Variants in GRAMD2B observed in about 807,000 individuals in gnomAD.
The protein encoded by GRAMD2B is GRAM domain-containing protein 2B.
GRAMD2B carries 41 observed loss-of-function variants against 59.2 expected under a neutral mutation model. The observed-to-expected ratio is 0.69, with a 90% CI of 0.54 to 0.90. The LOEUF is 0.90. Among genes scored for constraint, GRAMD2B ranks in the 40% least tolerant of loss-of-function variants. The pLI is 0.00. For missense variants in GRAMD2B, 424 were observed against 500.5 expected, an observed-to-expected ratio of 0.85 and a Z score of 1.46; for synonymous variants, 161 against 182.7, an observed-to-expected ratio of 0.88 and a Z score of 0.96.
At chr5:126,468,457 G>C (rs946035334) in intron 2 of GRAMD2B, among the ~76,000 whole-genome samples, 1 of 151,844 alleles carries the variant, frequency 6.6e-6, no homozygotes, top group Non-Finnish European at 1.5e-5. Flanking sequence ...TTATTCTACT[G>C]TTTTCCTCTT....
chr5:126,370,268 C>T (rs1754679141), upstream of GRAMD2B, among the ~76,000 whole-genome samples: 1 of 152,230 alleles, frequency 6.6e-6, no homozygotes, highest in South Asian at 2.1e-4. Flanking sequence ...GCATGTAGAG[C>T]AGCACAGACC....
upstream of GRAMD2B, among the ~76,000 whole-genome samples, chr5:126,422,418 C>G (rs879291723): frequency 1.8e-4 from 28 of 152,178 alleles, 1 homozygote; most frequent in Admixed American, 1.8e-3. Flanking sequence ...ATGCTAGTCT[C>G]GAACTCCTGA....
At chr5:126,377,033 T>C (rs965036259) in intron 1 of GRAMD2B, among the ~76,000 whole-genome samples, 4 of 151,234 alleles carry the variant, frequency 2.6e-5, no homozygotes, top group Admixed American at 2.0e-4. Context: ...GCCAGCAGTG[T>C]CATTGCAAGG....
intron 4 of GRAMD2B, 102 bp from the exon 5 acceptor site, chr5:126,473,163 A>C (rs1336512256): frequency 4.7e-6 from 2 of 429,936 alleles, no homozygotes; most frequent in Admixed American, 8.4e-5. Context: ...TTTGAGTGTG[A>C]ATGTATTATC....
chr5:126,386,985 T>C (rs1033772208), intron 1 of GRAMD2B, among the ~76,000 whole-genome samples: 3 of 152,204 alleles, frequency 2.0e-5, no homozygotes, highest in Non-Finnish European at 4.4e-5. Context: ...TATTCTTTTA[T>C]AACCTAGTGA....
At chr5:126,477,618 T>C in intron 5 of GRAMD2B, 74 bp from the exon 6 acceptor site, 1 of 867,490 alleles carries the variant, frequency 1.2e-6, no homozygotes, top group Non-Finnish European at 2.0e-6. Context: ...TTTTTCTTTT[T>C]TCCTTAAATG....
intron 1 of GRAMD2B, among the ~76,000 whole-genome samples, chr5:126,432,403 A>G (rs1761720024): frequency 6.6e-6 from 1 of 152,212 alleles, no homozygotes; most frequent in South Asian, 2.1e-4. Flanking sequence ...TGTCCTTTAT[A>G]ATAATTAAGA....
At chr5:126,474,851 G>A (rs567143385) in intron 5 of GRAMD2B, among the ~76,000 whole-genome samples, 5 of 152,318 alleles carry the variant, frequency 3.3e-5, no homozygotes, top group East Asian at 1.9e-4. Flanking sequence ...CTTTTACAAC[G>A]TGTAACCTAC....
At chr5:126,360,622 A>C (rs776643765) in intron 1 of GRAMD2B, among the ~76,000 whole-genome samples, 1 of 152,170 alleles carries the variant, frequency 6.6e-6, no homozygotes, top group African/African-American at 2.4e-5. Context: ...CAGGGTCTTG[A>C]GTAAAAGCAA....
chr5:126,441,621 G>A (rs1487470319), intron 1 of GRAMD2B, among the ~76,000 whole-genome samples: 1 of 152,162 alleles, frequency 6.6e-6, no homozygotes, highest in Non-Finnish European at 1.5e-5. Flanking sequence ...CCATACAAGG[G>A]AGAACTATAA....
chr5:126,432,621 A>G (rs563709066), intron 1 of GRAMD2B, among the ~76,000 whole-genome samples: 1 of 152,238 alleles, frequency 6.6e-6, no homozygotes, highest in African/African-American at 2.4e-5. Context: ...ATCCTTAAAT[A>G]TTATGCAGGT....
intron 1 of GRAMD2B, among the ~76,000 whole-genome samples, chr5:126,415,201 G>T (rs748643780): frequency 8.5e-5 from 13 of 152,142 alleles, no homozygotes; most frequent in Non-Finnish European, 1.5e-4. Context: ...AGTGGTTTGT[G>T]TGTGACCCAA....
chr5:126,360,914 C>G (rs994209058), intron 1 of GRAMD2B, among the ~76,000 whole-genome samples: 9 of 152,200 alleles, frequency 5.9e-5, no homozygotes, highest in Non-Finnish European at 8.8e-5. Context: ...CATGTCAACT[C>G]TCTACATTTT....
Position 126,423,583 on chromosome 5 carries a change from A to T in GRAMD2B, c.-24A>T. ...CAGAGCCAGGCGCGCGGAAGTCTGA[A>T]GGTGCCCTCCAGACACGGCCCCGAT... On this transcript the variant is annotated 5_prime_UTR_variant, in exon 1 of 14. In the 5' UTR this introduces an upstream ATG that the reference lacks. Coordinates refer to ENST00000285689, the MANE Select transcript of GRAMD2B (RefSeq NM_023927.4). 1 of 1,607,180 alleles carries T rather than the reference A, an allele frequency of 6.2e-7. No individual in the cohort carries two copies. Among genetic ancestry groups the T allele is most frequent in the Non-Finnish European group, 8.5e-7 (1 of 1,177,390 alleles).
intron 6 of GRAMD2B, among the ~76,000 whole-genome samples, chr5:126,478,232 G>A (rs931402367): frequency 8.6e-5 from 13 of 151,422 alleles, no homozygotes; most frequent in African/African-American, 3.2e-4. Flanking sequence ...GAGCCCAGGA[G>A]TTGGGAACCA....
chr5:126,430,955 T>G (rs1761466291), intron 1 of GRAMD2B, among the ~76,000 whole-genome samples: 1 of 152,198 alleles, frequency 6.6e-6, no homozygotes, highest in Non-Finnish European at 1.5e-5. Context: ...GTGACAGAAT[T>G]GGAACATAAT....
chr5:126,360,391 A>C (rs568018245), exon 1 of GRAMD2B: 136 of 1,551,336 alleles, frequency 8.8e-5, no homozygotes, highest in Non-Finnish European at 1.0e-4. Context: ...CATTCCAAGC[A>C]CAGCTTATGC....
At chr5:126,413,534 C>T (rs1223038060) in intron 1 of GRAMD2B, among the ~76,000 whole-genome samples, 1 of 151,768 alleles carries the variant, frequency 6.6e-6, no homozygotes, top group Non-Finnish European at 1.5e-5. Context: ...TGTGATCAAT[C>T]CTGAAGTATG....
In GRAMD2B at chr5:126,465,502, G is replaced by A; in HGVS notation, c.160G>A (p.Val54Met). ...AACAGCCCAATCCCCTACCCCATCT[G>A]TGGAGGCGGACTCCCCAGACCAGAA... Reference protein sequence around the residue: ...SPTAQSPTPSVEADSPDQKKI... With the variant: ...SPTAQSPTPSMEADSPDQKKI... Residue 54 changes from valine to methionine, a missense_variant, in exon 2 of 14, where the codon GTG (valine) becomes ATG (methionine). By Grantham distance (21) the Val-to-Met change is conservative (BLOSUM62 1). Coordinates refer to ENST00000285689, the MANE Select transcript of GRAMD2B (RefSeq NM_023927.4). The A allele has an allele frequency of 1.2e-6, 2 of 1,614,180 alleles. No individual in the cohort carries two copies. Among genetic ancestry groups the A allele is most frequent in the African/African-American group, 2.7e-5 (2 of 75,032 alleles).
Sources: gnomAD v4.1 joint callset for allele counts (sites outside exome capture counted in the v4.1 genomes callset) on GRCh38, gnomAD v4.1.1 for gene constraint, MANE v1.5 for transcripts, NCBI Gene and HGNC (gene_info 2026-07-23, HGNC 2026-07-21) for gene names.